Variants in KIAA0513 observed in about 807,000 individuals in gnomAD.
KIAA0513 encodes the protein uncharacterized protein KIAA0513.
In KIAA0513, 39 loss-of-function variants were observed where a neutral mutation model predicts 56.5. The ratio of observed to expected loss-of-function variants is 0.69; its 90% CI spans 0.53 to 0.90. KIAA0513 has a LOEUF of 0.90. Ranked by LOEUF, KIAA0513 falls within the 40% of genes least tolerant of loss-of-function variation. The pLI, the probability that KIAA0513 is intolerant of heterozygous loss-of-function variation, is 0.00. For synonymous variants in KIAA0513, 268 were observed against 215.6 expected, an observed-to-expected ratio of 1.24 and a Z score of -2.13; for missense variants, 591 against 535.2, an observed-to-expected ratio of 1.10 and a Z score of -1.03.
rs758620976 is a variant in KIAA0513, at chr16:85,086,688, T to G, written c.1055T>G (p.Leu352Arg). 1.9e-6 allele frequency: 3 copies of G among 1,613,650 alleles called. No homozygotes were observed. In the African/African-American group the frequency reaches 4.0e-5, roughly 22 times the overall value. ...ACCCAGGAGGAGCGCGACGACAGCC[T>G]CCGGTTCAACGAGAACATCACCTTC... ...HMTQEERDDS[L>R]RFNENITFGQ... The change falls in exon 11 of 13, where the codon CTC becomes CGC. Residue 352 changes from leucine to arginine, a missense_variant. Coordinates refer to ENST00000683363, the MANE Select transcript of KIAA0513 (RefSeq NM_001388359.1).
intron 1 of KIAA0513, among the ~76,000 whole-genome samples, chr16:85,061,097 G>A (rs185217458): frequency 6.6e-6 from 1 of 151,402 alleles, no homozygotes; most frequent in Non-Finnish European, 1.5e-5. Context: ...AGGTAGTAGT[G>A]AGCCGAGATC....
At chr16:85,087,038 C>T (rs770379753) in intron 11 of KIAA0513, 34 bp from the exon 12 acceptor site, 2 of 1,600,666 alleles carry the variant, frequency 1.2e-6, no homozygotes, top group South Asian at 1.1e-5. Context: ...CCCTGGGAGG[C>T]CAGCGGGTGA....
chr16:85,056,630 G>A (rs1567530813), intron 1 of KIAA0513, among the ~76,000 whole-genome samples: 1 of 152,108 alleles, frequency 6.6e-6, no homozygotes, highest in African/African-American at 2.4e-5. Context: ...TCCGGGCCGC[G>A]CTCGCCGAGA....
Position 85,088,180 on chromosome 16 carries a change from GA to G in KIAA0513, c.1187-95del. On this transcript the variant is annotated intron_variant, in intron 12 of 12. Coordinates refer to ENST00000683363, the MANE Select transcript of KIAA0513 (RefSeq NM_001388359.1). ...CAGGAGCTGCAGCCCTGCTCCCAGG[GA>G]GGCCCGATTCGTCCCTGTCCGAGTG... is the stretch of plus-strand genomic sequence containing the variant. 5 of 1,120,060 alleles carry G rather than the reference GA, an allele frequency of 4.5e-6. No homozygotes were observed. The South Asian group carries it at 6.5e-5, about 15-fold the overall frequency. The allele number at this position is 1,120,060 out of a possible 1,614,324, so 69.4% of individuals were successfully genotyped here.
intron 3 of KIAA0513, among the ~76,000 whole-genome samples, chr16:85,072,263 G>A (rs2073588415): frequency 6.6e-6 from 1 of 152,218 alleles, no homozygotes; most frequent in Non-Finnish European, 1.5e-5. Context: ...TCAAGGGAAA[G>A]AGTAAGAAAC....
chr16:85,080,180 G>T (rs1404676645), intron 8 of KIAA0513, among the ~76,000 whole-genome samples: 6 of 152,188 alleles, frequency 3.9e-5, no homozygotes, highest in South Asian at 4.1e-4. Flanking sequence ...TGGAAGCAGA[G>T]GACGGGGAGA....
chr16:85,082,556 C>G lies in KIAA0513; in HGVS notation c.981-8C>G, dbSNP rs756370229. The G allele has an allele frequency of 1.1e-5, 17 of 1,613,828 alleles. No individual in the cohort carries two copies. The highest frequency in any genetic ancestry group is 2.2e-5 in the East Asian group (1 of 44,858). ...TCCTTTGTTTACCTGTTTCTGCTGC[C>G]GCTCCAGAGGGGATGCTGGAGAGGA... On this transcript the variant is annotated splice_polypyrimidine_tract_variant and splice_region_variant and intron_variant, in intron 9 of 12. Transcript: ENST00000683363.
chr16:85,038,762 C>G (rs1335601794), intron 1 of KIAA0513, among the ~76,000 whole-genome samples: 2 of 149,568 alleles, frequency 1.3e-5, no homozygotes, highest in South Asian at 2.1e-4. Flanking sequence ...TTCTATTTAA[C>G]TCAATGTATC....
At chr16:85,077,050 A>C (rs1597637284) in intron 5 of KIAA0513, among the ~76,000 whole-genome samples, 1 of 151,202 alleles carries the variant, frequency 6.6e-6, no homozygotes, top group Admixed American at 6.6e-5. Context: ...GTGTCTCCAC[A>C]CTCCCATTCC....
At chr16:85,085,463 C>T (rs1337494856) in intron 10 of KIAA0513, among the ~76,000 whole-genome samples, 1 of 152,264 alleles carries the variant, frequency 6.6e-6, no homozygotes, top group Non-Finnish European at 1.5e-5. Context: ...ATACATCCTT[C>T]TCCCCTTTCT....
At chr16:85,048,075 C>A (rs941954584) in intron 1 of KIAA0513, among the ~76,000 whole-genome samples, 1 of 152,118 alleles carries the variant, frequency 6.6e-6, no homozygotes, top group Non-Finnish European at 1.5e-5. Context: ...ACAGAAACGT[C>A]TGGGATTACA....
intron 1 of KIAA0513, among the ~76,000 whole-genome samples, chr16:85,035,965 C>T (rs962353457): frequency 7.2e-6 from 1 of 138,374 alleles, no homozygotes; most frequent in Admixed American, 8.0e-5. Context: ...GGCAACAGAG[C>T]GAGACTCCGT....
chr16:85,060,517 G>A (rs1406405121), intron 1 of KIAA0513, among the ~76,000 whole-genome samples: 7 of 151,964 alleles, frequency 4.6e-5, no homozygotes, highest in African/African-American at 1.4e-4. Flanking sequence ...TGAGGCTGGG[G>A]TTAGGTGATG....
Position 85,070,077 on chromosome 16 carries a change from T to TGG in KIAA0513, c.330-1702_330-1701dup, listed in dbSNP as rs552793383. 1.6e-4 allele frequency among the ~76,000 whole-genome samples: 24 copies of TGG among 149,932 alleles called. No individual in the cohort carries two copies. The East Asian group carries it at 4.7e-3, about 30-fold the overall frequency. On this transcript the variant is annotated intron_variant, in intron 2 of 12. Coordinates refer to ENST00000683363, the MANE Select transcript of KIAA0513 (RefSeq NM_001388359.1). Reference sequence around the variant, plus strand: ...TCCCAGCTACTCAGGAGGCTGAGGTTGGGGGATCAATTGAGCCAGGGAGGC... The same window carrying TGG: ...TCCCAGCTACTCAGGAGGCTGAGGTTGGGGGGGATCAATTGAGCCAGGGAGGC...
intron 6 of KIAA0513, among the ~76,000 whole-genome samples, 195 bp from the exon 7 acceptor site, chr16:85,078,220 A>C (rs1267166527): frequency 6.6e-6 from 1 of 152,208 alleles, no homozygotes; most frequent in Non-Finnish European, 1.5e-5. Flanking sequence ...TGACATAAAG[A>C]AACCTCAATG....
intron 1 of KIAA0513, among the ~76,000 whole-genome samples, chr16:85,033,969 A>G (rs1040512133): frequency 2.6e-5 from 4 of 151,858 alleles, no homozygotes; most frequent in South Asian, 2.1e-4. Flanking sequence ...AATGTCCCCA[A>G]TTACCATCAT....
At position 85,027,806 on chromosome 16, in the gene KIAA0513, A is replaced by G. The variant is rs1480001098; in HGVS notation, c.-225A>G. On this transcript the variant is annotated 5_prime_UTR_variant, in exon 1 of 13. Coordinates refer to ENST00000683363, the MANE Select transcript of KIAA0513 (RefSeq NM_001388359.1). The stretch of plus-strand genomic sequence containing the variant: ...TGCTCGCGGGCGGCGCAGTCGCCGC[A>G]GCAGCCGAGTCTGACGGCGCCGGTT... 3 of 152,092 alleles carry G rather than the reference A, an allele frequency of 2.0e-5. No individual in the cohort carries two copies. Among genetic ancestry groups the G allele is most frequent in the Admixed American group, 6.5e-5 (1 of 15,274 alleles). 9.4% of individuals were successfully genotyped at this position (152,092 alleles called of 1,614,324 possible). A position where few individuals can be genotyped will look rare whatever the true frequency, so the allele number is the denominator to read the frequency against.
chr16:85,040,686 A>G (rs377724426), intron 1 of KIAA0513, among the ~76,000 whole-genome samples: 8 of 151,910 alleles, frequency 5.3e-5, no homozygotes, highest in African/African-American at 1.9e-4. Context: ...TTCAGGTTAA[A>G]CCCTCCCCAA....
intron 2 of KIAA0513, among the ~76,000 whole-genome samples, chr16:85,069,448 T>C (rs975751579): frequency 1.3e-5 from 2 of 151,870 alleles, no homozygotes; most frequent in Non-Finnish European, 2.9e-5. Context: ...TTCTTGAGGG[T>C]AAAATAAGGA....
Sources: gnomAD v4.1 joint callset for allele counts (sites outside exome capture counted in the v4.1 genomes callset) on GRCh38, gnomAD v4.1.1 for gene constraint, MANE v1.5 for transcripts, NCBI Gene and HGNC (gene_info 2026-07-23, HGNC 2026-07-21) for gene names.